Variants in CDH4 observed in about 807,000 individuals in gnomAD.
CDH4 encodes the protein cadherin-4.
Under a neutral mutation model 86.0 loss-of-function variants are expected in CDH4, and 33 were observed. That is an observed-to-expected ratio of 0.38 (90% CI 0.29 to 0.51). The LOEUF (loss-of-function observed/expected upper bound fraction) is 0.51, where lower values mean the gene tolerates loss of function less well. Ranked by LOEUF, CDH4 falls within the 20% of genes least tolerant of loss-of-function variation. The probability of loss-of-function intolerance (pLI) is 0.86; values close to 1 mark genes in which losing one functional copy is unlikely to be tolerated. For missense variants in CDH4, 1,114 were observed against 1,307.4 expected (o/e 0.85, Z 2.28); for synonymous variants, 555 against 549.4 (o/e 1.01, Z -0.14).
chr20:61,872,747 C>T (rs1486972545), intron 6 of CDH4, among the ~76,000 whole-genome samples: 2 of 152,266 alleles, frequency 1.3e-5, no homozygotes, highest in Non-Finnish European at 2.9e-5. Flanking sequence ...GAGTCCAGCC[C>T]CAGGACTTCC....
intron 3 of CDH4, among the ~76,000 whole-genome samples, chr20:61,762,337 G>T (rs1171013053): frequency 6.6e-6 from 1 of 152,222 alleles, no homozygotes; most frequent in Non-Finnish European, 1.5e-5. Flanking sequence ...TCTGCTCTCT[G>T]AGCTGAATTC....
At chr20:61,559,749 C>A (rs1439729373) in intron 2 of CDH4, among the ~76,000 whole-genome samples, 4 of 151,926 alleles carry the variant, frequency 2.6e-5, no homozygotes, top group Non-Finnish European at 5.9e-5. Flanking sequence ...AAACTCCTGA[C>A]CTCAAGTGAC....
chr20:61,741,497 CT>C (rs34240799), intron 2 of CDH4, among the ~76,000 whole-genome samples: 30 of 148,080 alleles, frequency 2.0e-4, no homozygotes, highest in Admixed American at 3.3e-4. Flanking sequence ...TGTGCCTGTA[CT>C]TTTTTTTTTT....
intron 4 of CDH4, among the ~76,000 whole-genome samples, chr20:61,777,255 ATGAG>A (rs141271975): frequency 4.6e-5 from 7 of 152,160 alleles, no homozygotes; most frequent in South Asian, 4.1e-4. Flanking sequence ...GAGGGAATGA[ATGAG>A]TGAGTGAGTG....
At chr20:61,373,273 C>A (rs1172961850) in intron 2 of CDH4, among the ~76,000 whole-genome samples, 1 of 152,168 alleles carries the variant, frequency 6.6e-6, no homozygotes, top group Admixed American at 6.5e-5. Flanking sequence ...CAGCTCCTCT[C>A]GGTGAGGGCT....
At chr20:61,638,192 A>G (rs1171063445) in intron 2 of CDH4, among the ~76,000 whole-genome samples, 1 of 152,142 alleles carries the variant, frequency 6.6e-6, no homozygotes, top group African/African-American at 2.4e-5. Flanking sequence ...CCCCACATAT[A>G]AGGTGCTGAT....
chr20:61,830,156 G>GC (rs1174822387), intron 4 of CDH4, among the ~76,000 whole-genome samples: 1 of 141,038 alleles, frequency 7.1e-6, no homozygotes, highest in Non-Finnish European at 1.5e-5. Flanking sequence ...TCTCCTTGGA[G>GC]CCCCCCGCCC....
At chr20:61,935,784 G>T (rs539871068) in intron 15 of CDH4, among the ~76,000 whole-genome samples, 3 of 152,348 alleles carry the variant, frequency 2.0e-5, no homozygotes, top group South Asian at 4.1e-4. Context: ...TACTTGGGAG[G>T]CTGAGACAGG....
intron 2 of CDH4, among the ~76,000 whole-genome samples, chr20:61,629,226 G>A (rs2086860499): frequency 6.6e-6 from 1 of 152,148 alleles, no homozygotes; most frequent in African/African-American, 2.4e-5. Flanking sequence ...GGCGGTGCAG[G>A]CCAGGGAGCC....
chr20:61,332,836 T>G (rs554403037), intron 2 of CDH4, among the ~76,000 whole-genome samples: 1 of 152,366 alleles, frequency 6.6e-6, no homozygotes, highest in South Asian at 2.1e-4. Flanking sequence ...CTGTGTTTTC[T>G]GATGGTCCAG....
chr20:61,881,154 A>G (rs1457624984), intron 7 of CDH4, among the ~76,000 whole-genome samples: 1 of 152,218 alleles, frequency 6.6e-6, no homozygotes, highest in Non-Finnish European at 1.5e-5. Context: ...GTCACAGCAG[A>G]GCAGGGTCAG....
chr20:61,934,242 G>A (rs775308671), intron 15 of CDH4, 22 bp downstream of exon 15: 3 of 1,514,630 alleles, frequency 2.0e-6, no homozygotes, highest in African/African-American at 2.8e-5. Flanking sequence ...TCGGCAGTGG[G>A]GGGCCCGGGC....
chr20:61,280,182 T>C (rs1040994829), intron 2 of CDH4, among the ~76,000 whole-genome samples: 1 of 152,116 alleles, frequency 6.6e-6, no homozygotes, highest in Non-Finnish European at 1.5e-5. Context: ...GGATGGGCTC[T>C]CTGAGCAGGA....
chr20:61,771,183 G>C (rs8184024), intron 3 of CDH4, among the ~76,000 whole-genome samples: 1 of 151,062 alleles, frequency 6.6e-6, no homozygotes, highest in Non-Finnish European at 1.5e-5. Flanking sequence ...CCTAATTTTA[G>C]ATTTTTAGTA....
At chr20:61,646,395 C>T (rs771652838) in intron 2 of CDH4, among the ~76,000 whole-genome samples, 1 of 152,216 alleles carries the variant, frequency 6.6e-6, no homozygotes, top group Non-Finnish European at 1.5e-5. Context: ...GACAGCCACC[C>T]TTCTGAAGGG....
intron 4 of CDH4, among the ~76,000 whole-genome samples, chr20:61,828,552 T>A (rs1303308969): frequency 1.3e-5 from 2 of 152,218 alleles, no homozygotes; most frequent in East Asian, 3.8e-4. Flanking sequence ...TGGCAGTGTG[T>A]GCCCCACCTT....
chr20:61,565,225 T>TGGTAGTGGTCCTCTTGGTGATGGG, intron 2 of CDH4, among the ~76,000 whole-genome samples: 1 of 29,842 alleles, frequency 3.4e-5, no homozygotes, highest in Non-Finnish European at 7.6e-5. Context: ...CGGTGGTAGG[T>TGGTAGTGGTCCTCTTGGTGATGGG]GGTGGTGGTG....
intron 3 of CDH4, among the ~76,000 whole-genome samples, chr20:61,771,416 G>A (rs981414066): frequency 6.6e-6 from 1 of 151,856 alleles, no homozygotes; most frequent in African/African-American, 2.4e-5. Context: ...CGGAGGTCGG[G>A]AGTTTGAGAG....
intron 5 of CDH4, among the ~76,000 whole-genome samples, chr20:61,850,370 A>C (rs554609040): frequency 2.0e-5 from 3 of 152,360 alleles, no homozygotes; most frequent in African/African-American, 7.2e-5. Flanking sequence ...TCACTGATGA[A>C]GAAAGTCTCC....
Sources: gnomAD v4.1 joint callset for allele counts (sites outside exome capture counted in the v4.1 genomes callset) on GRCh38, gnomAD v4.1.1 for gene constraint, MANE v1.5 for transcripts, NCBI Gene and HGNC (gene_info 2026-07-23, HGNC 2026-07-21) for gene names.